PACRG: variants seen among roughly 807,000 people sequenced by gnomAD.
The protein encoded by PACRG is parkin coregulated.
PACRG carries 29 observed loss-of-function variants against 29.7 expected under a neutral mutation model. That is an observed-to-expected ratio of 0.98 (90% confidence interval 0.73 to 1.33). PACRG has a LOEUF of 1.33. Ranked by LOEUF, PACRG falls within the 40% of genes most tolerant of loss-of-function variation. The pLI is 0.00. For synonymous variants in PACRG, 116 were observed against 118.7 expected, an observed-to-expected ratio of 0.98 and a Z score of 0.15; for missense variants, 279 against 316.2, an observed-to-expected ratio of 0.88 and a Z score of 0.89.
chr6:162,850,490 C>G (rs943141253), intron 2 of PACRG, among the ~76,000 whole-genome samples: 1 of 152,122 alleles, frequency 6.6e-6, no homozygotes, highest in African/African-American at 2.4e-5. Flanking sequence ...CAGCCCTACC[C>G]CTGAACCCAG....
chr6:162,924,065 C>T (rs542886110), intron 2 of PACRG, among the ~76,000 whole-genome samples: 16 of 151,914 alleles, frequency 1.1e-4, no homozygotes, highest in Middle Eastern at 6.8e-3. Flanking sequence ...CAATTTCTTC[C>T]GCCAGTATTT....
chr6:163,018,409 T>C (rs1238297291), intron 2 of PACRG, among the ~76,000 whole-genome samples: 1 of 152,170 alleles, frequency 6.6e-6, no homozygotes, highest in Non-Finnish European at 1.5e-5. Context: ...TTTCCTCTAG[T>C]AGAATCCTCA....
chr6:162,838,636 C>T (rs965989369), intron 2 of PACRG, among the ~76,000 whole-genome samples: 1 of 151,886 alleles, frequency 6.6e-6, no homozygotes, highest in African/African-American at 2.4e-5. Flanking sequence ...TACATGTGCA[C>T]ATTGTGCAGG....
intron 2 of PACRG, among the ~76,000 whole-genome samples, chr6:162,955,703 T>G (rs1276185380): frequency 6.6e-6 from 1 of 152,222 alleles, no homozygotes; most frequent in Non-Finnish European, 1.5e-5. Context: ...ATATTCTCTT[T>G]GTTTGGCAGA....
intron 3 of PACRG, among the ~76,000 whole-genome samples, chr6:163,078,753 C>T (rs1224305384): frequency 6.6e-6 from 1 of 152,172 alleles, no homozygotes; most frequent in African/African-American, 2.4e-5. Context: ...ACTAGCACTA[C>T]CGCAGTGCCT....
chr6:163,299,117 C>T (rs556126929), intron 4 of PACRG, among the ~76,000 whole-genome samples: 1 of 152,334 alleles, frequency 6.6e-6, no homozygotes, highest in African/African-American at 2.4e-5. Context: ...AATCTATCCT[C>T]AGCTGCTGAA....
intron 2 of PACRG, among the ~76,000 whole-genome samples, chr6:162,874,656 G>C (rs540947392): frequency 2.6e-5 from 4 of 152,270 alleles, no homozygotes; most frequent in South Asian, 2.1e-4. Flanking sequence ...ACATCAGTGT[G>C]GGGGGAGGCC....
chr6:162,937,211 T>C (rs1170376222), intron 2 of PACRG, among the ~76,000 whole-genome samples: 1 of 152,250 alleles, frequency 6.6e-6, no homozygotes, highest in African/African-American at 2.4e-5. Flanking sequence ...TATTATTTTA[T>C]ATTCTTCTAG....
intron 4 of PACRG, among the ~76,000 whole-genome samples, chr6:163,102,795 C>T (rs563736737): frequency 1.4e-5 from 2 of 146,168 alleles, no homozygotes; most frequent in East Asian, 4.1e-4. Context: ...ATGAGGACTG[C>T]CTAATAGGTC....
intron 4 of PACRG, among the ~76,000 whole-genome samples, chr6:163,109,725 C>CA (rs1432353782): frequency 6.6e-6 from 1 of 152,090 alleles, no homozygotes; most frequent in African/African-American, 2.4e-5. Context: ...GAAAACCTGC[C>CA]AATTGACTGA....
chr6:162,872,260 A>G (rs1383954237), intron 2 of PACRG, among the ~76,000 whole-genome samples: 4 of 152,146 alleles, frequency 2.6e-5, no homozygotes, highest in African/African-American at 9.7e-5. Context: ...AAGACAGTAG[A>G]CAGCGGTATT....
intron 3 of PACRG, among the ~76,000 whole-genome samples, chr6:163,071,945 T>C (rs1465901844): frequency 2.0e-5 from 3 of 151,592 alleles, no homozygotes; most frequent in Non-Finnish European, 4.4e-5. Context: ...ATAAAAAGTC[T>C]CCCAGCAAAG....
chr6:162,958,708 C>A (rs1243528573), intron 2 of PACRG, among the ~76,000 whole-genome samples: 1 of 149,412 alleles, frequency 6.7e-6, no homozygotes, highest in Non-Finnish European at 1.5e-5. Context: ...TATGTGGAGG[C>A]AGACAATAAA....
chr6:163,245,185 G>A (rs1367950828), intron 4 of PACRG: 1 of 335,192 alleles, frequency 3.0e-6, no homozygotes, highest in Non-Finnish European at 6.0e-6. Context: ...TTTCCCCTAG[G>A]ATGTTCTACG....
chr6:163,196,792 AAGACT>A (rs925767864), intron 4 of PACRG, among the ~76,000 whole-genome samples: 1 of 151,692 alleles, frequency 6.6e-6, no homozygotes, highest in Admixed American at 6.6e-5. Context: ...GACAGACAGA[AAGACT>A]AGACAGACAG....
At chr6:162,996,142 G>T (rs908428495) in intron 2 of PACRG, among the ~76,000 whole-genome samples, 2 of 151,864 alleles carry the variant, frequency 1.3e-5, no homozygotes, top group African/African-American at 4.8e-5. Context: ...GTGTGTGCAT[G>T]CACACACACA....
In PACRG at chr6:162,853,001, C is replaced by T. The variant is rs1041333018; in HGVS notation, c.291+38720C>T. Among the ~76,000 whole-genome samples, 6 of 152,306 alleles carry T rather than the reference C, an allele frequency of 3.9e-5. No individual in the cohort carries two copies. Among genetic ancestry groups the T allele is most frequent in the South Asian group, 4.1e-4 (2 of 4,824 alleles). On this transcript the variant is annotated intron_variant, in intron 2 of 4. Transcript: ENST00000366888. This position sits in a 1 kb window ranked among gnomAD's most constrained non-coding sequence, Gnocchi z 4.7. ...ACACCGTCACCAACATGATTTCAAA[C>T]GGAGCCTGTGGCCTGGTGACCTGGG...
At chr6:163,274,288 A>T (rs139182861) in intron 4 of PACRG, among the ~76,000 whole-genome samples, 1,700 of 151,956 alleles carry the variant, frequency 0.011, 34 homozygotes, top group African/African-American at 0.039. Context: ...GTGTTTGTTT[A>T]TTTTGTCCTT....
At position 162,759,773 on chromosome 6, in the gene PACRG, G is replaced by A. The variant is rs1226595183; in HGVS notation, c.156+31382G>A. Among the ~76,000 whole-genome samples the A allele has an allele frequency of 7.2e-5, 11 of 152,082 alleles. No individual in the cohort carries two copies. The East Asian group carries it at 2.1e-3, about 29-fold the overall frequency. On this transcript the variant is annotated intron_variant, in intron 1 of 4. Transcript: ENST00000366888. ...TTATATAGGAACTATTATTTTTGCT[G>A]TTAATATAAATGCATCTTCAGGTAT...
Sources: allele counts gnomAD v4.1 joint callset (sites outside exome capture counted in the v4.1 genomes callset), GRCh38; gene constraint gnomAD v4.1.1; non-coding constraint Gnocchi (gnomAD v3.1); transcripts MANE v1.5; gene names NCBI Gene and HGNC (gene_info 2026-07-23, HGNC 2026-07-21).